CELA2B: variants seen among roughly 807,000 people sequenced by gnomAD.
The protein encoded by CELA2B is chymotrypsin like elastase 2B.
A neutral mutation model predicts 36.5 loss-of-function variants in CELA2B; 27 were observed. The observed-to-expected ratio is 0.74, with a 90% CI of 0.55 to 1.02. CELA2B has a LOEUF of 1.02. Among genes scored for constraint, CELA2B ranks in the 50% least tolerant of loss-of-function variants. The pLI, the probability that CELA2B is intolerant of heterozygous loss-of-function variation, is 0.00. For missense variants in CELA2B, 340 were observed against 347.8 expected, an observed-to-expected ratio of 0.98 and a Z score of 0.18; for synonymous variants, 143 against 148.5, an observed-to-expected ratio of 0.96 and a Z score of 0.27.
Position 15,482,140 on chromosome 1 carries a change from G to A in CELA2B, c.228-125G>A, listed in dbSNP as rs555353488. 82 of 1,139,778 alleles carry A rather than the reference G, an allele frequency of 7.2e-5. 1 individual carries two copies. In the South Asian group the frequency reaches 1.1e-3, roughly 15 times the overall value. 70.6% of individuals were successfully genotyped at this position (1,139,778 alleles called of 1,614,324 possible). On this transcript the variant is annotated intron_variant, in intron 3 of 7. Transcript: ENST00000375910. ...ATGATAACTAACTGACTGTCCCAGG[G>A]GAGGAAAGATCCCCAAGTGCCAACT...
chr1:15,491,287 T>C lies in CELA2B; in HGVS notation c.793-8T>C. On this transcript the variant is annotated splice_region_variant and splice_polypyrimidine_tract_variant and intron_variant, in intron 7 of 7. Transcript: ENST00000375910. The stretch of plus-strand genomic sequence containing the variant: ...ACCTGACAATTTTCTTGTGTGTGTG[T>C]CCTGCAGGTGATTGCAAATAACTAA... The C allele has an allele frequency of 6.2e-7, 1 of 1,614,128 alleles. No homozygotes were observed. The highest frequency in any genetic ancestry group is 8.5e-7 in the Non-Finnish European group (1 of 1,180,004).
chr1:15,480,979 G>A (rs1708734677), intron 2 of CELA2B, 119 bp from the exon 3 acceptor site: 9 of 1,033,618 alleles, frequency 8.7e-6, no homozygotes, highest in Non-Finnish European at 1.3e-5. Flanking sequence ...CTTAAGTTGT[G>A]TACCTGAGGT....
chr1:15,478,789 AC>A (rs113074389), intron 2 of CELA2B, among the ~76,000 whole-genome samples: 2,347 of 151,148 alleles, frequency 0.016, 59 homozygotes, highest in African/African-American at 0.053. Flanking sequence ...CTTGTCTCAA[AC>A]TCCTGACCTC....
In CELA2B at chr1:15,476,599, C is replaced by T. The variant is rs540522507; in HGVS notation, c.129+54C>T. On this transcript the variant is annotated intron_variant, in intron 2 of 7. Transcript: ENST00000375910. The stretch of plus-strand genomic sequence containing the variant: ...GTCCCTGCCCCACTCCCTTTACATC[C>T]CCCCTTTGCCCTTCCACCATGGCGT... 5.5e-4 allele frequency: 833 copies of T among 1,520,798 alleles called. 2 individuals are homozygous for T. In the African/African-American group the frequency reaches 7.3e-3, roughly 13 times the overall value. The allele number at this position is 1,520,798 out of a possible 1,614,324, so 94.2% of individuals were successfully genotyped here.
At chr1:15,481,055 C>T (rs761787395) in intron 2 of CELA2B, 43 bp from the exon 3 acceptor site, 1 of 1,609,576 alleles carries the variant, frequency 6.2e-7, no homozygotes. Context: ...GCAGGGAGGC[C>T]CTGCTTTTTC....
At chr1:15,490,824 T>C (rs4646109) in intron 7 of CELA2B, 44,969 of 158,110 alleles carry the variant, frequency 0.28, 7,480 homozygotes, top group African/African-American at 0.47. Context: ...GAGCCTAGAA[T>C]ATGCCACTGT....
intron 2 of CELA2B, among the ~76,000 whole-genome samples, chr1:15,479,129 G>A (rs147190203): frequency 6.6e-6 from 1 of 152,268 alleles, no homozygotes; most frequent in South Asian, 2.1e-4. Context: ...AATTGGGGTG[G>A]GGGAGTAGAT....
intron 7 of CELA2B, among the ~76,000 whole-genome samples, chr1:15,490,088 G>A (rs1357719878): frequency 1.3e-5 from 2 of 152,048 alleles, no homozygotes; most frequent in Non-Finnish European, 2.9e-5. Context: ...TGGCCAGGCT[G>A]GTCTCAAACT....
intron 2 of CELA2B, among the ~76,000 whole-genome samples, chr1:15,478,435 G>GT (rs2103311114): frequency 6.6e-6 from 1 of 151,942 alleles, no homozygotes; most frequent in African/African-American, 2.4e-5. Flanking sequence ...TAGAGACAGG[G>GT]TTTCTCCATG....
chr1:15,488,453 A>G (rs1431739320), intron 7 of CELA2B, among the ~76,000 whole-genome samples: 1 of 152,186 alleles, frequency 6.6e-6, no homozygotes, highest in East Asian at 1.9e-4. Flanking sequence ...ACAGAAGTAG[A>G]TGAAAGCAGC....
At chr1:15,485,198 GC>G in intron 5 of CELA2B, among the ~76,000 whole-genome samples, 1 of 152,182 alleles carries the variant, frequency 6.6e-6, no homozygotes, top group Admixed American at 6.5e-5. Flanking sequence ...CCTGGCCGAC[GC>G]TTAACTTCCC....
At chr1:15,489,458 T>G (rs1006000713) in intron 7 of CELA2B, among the ~76,000 whole-genome samples, 4 of 151,954 alleles carry the variant, frequency 2.6e-5, no homozygotes, top group Admixed American at 6.5e-5. Flanking sequence ...TGTCCTTGGG[T>G]GGGGGCTGCC....
chr1:15,484,757 G>A (rs540789401), intron 5 of CELA2B, among the ~76,000 whole-genome samples: 4 of 152,226 alleles, frequency 2.6e-5, no homozygotes, highest in East Asian at 1.9e-4. Context: ...AGCCACTTCC[G>A]AACCTCAGTT....
chr1:15,480,249 T>A (rs1313035608), intron 2 of CELA2B, among the ~76,000 whole-genome samples: 1 of 152,150 alleles, frequency 6.6e-6, no homozygotes, highest in African/African-American at 2.4e-5. Context: ...GGCCTCACTC[T>A]GTCACCCAGG....
rs747243084 is a variant in CELA2B, at chr1:15,482,284, G to A, written c.247G>A (p.Val83Met). The change falls in exon 4 of 8, where the codon GTG (valine) becomes ATG (methionine). Residue 83 changes from valine (V) to methionine (M), a missense_variant. Coordinates refer to ENST00000375910, the MANE Select transcript of CELA2B (RefSeq NM_015849.3). ...TCCCAGCTCCTCCGGGATCTACCGC[G>A]TGATGCTGGGCCAGCATAACCTCTA... ...HCISSSGIYR[V>M]MLGQHNLYVA... The A allele has an allele frequency of 1.8e-5, 29 of 1,613,860 alleles. No individual in the cohort carries two copies. The highest frequency in any genetic ancestry group is 2.7e-5 in the African/African-American group (2 of 74,906).
intron 5 of CELA2B, among the ~76,000 whole-genome samples, chr1:15,484,848 T>G (rs148045474): frequency 6.6e-6 from 1 of 152,148 alleles, no homozygotes; most frequent in Admixed American, 6.5e-5. Context: ...TTGCAAAATG[T>G]TACACAAGTG....
chr1:15,487,542 A>T, intron 7 of CELA2B, 105 bp downstream of exon 7: 1 of 1,456,844 alleles, frequency 6.9e-7, no homozygotes, highest in Non-Finnish European at 9.4e-7. Flanking sequence ...TCCTCTTGAG[A>T]GCTAGATGGG....
At position 15,483,801 on chromosome 1, in the gene CELA2B, C is replaced by T. The variant is rs142390498; in HGVS notation, c.493+401C>T. Among the ~76,000 whole-genome samples, 516 of 152,052 alleles carry T rather than the reference C, an allele frequency of 3.4e-3. 6 individuals carry two copies. Among genetic ancestry groups the T allele is most frequent in the African/African-American group, 0.011 (451 of 41,478 alleles). ...AAAACTCGCCAGGTGTGGTGTTGTG[C>T]GCCTGTAGTCCGAGCTACTTGGGAG... On this transcript the variant is annotated intron_variant, in intron 5 of 7. Coordinates refer to ENST00000375910, the MANE Select transcript of CELA2B (RefSeq NM_015849.3).
At chr1:15,488,465 A>T (rs1345172780) in intron 7 of CELA2B, among the ~76,000 whole-genome samples, 1 of 152,176 alleles carries the variant, frequency 6.6e-6, no homozygotes, top group Non-Finnish European at 1.5e-5. Flanking sequence ...GAAAGCAGCC[A>T]GAAGAGGAAA....
Sources: gnomAD v4.1 joint callset for allele counts (sites outside exome capture counted in the v4.1 genomes callset) on GRCh38, gnomAD v4.1.1 for gene constraint, MANE v1.5 for transcripts, NCBI Gene and HGNC (gene_info 2026-07-23, HGNC 2026-07-21) for gene names.